Variants in EPHB3 observed in about 807,000 individuals in gnomAD.
EPHB3 encodes the protein EPH receptor B3.
A neutral mutation model predicts 100.2 loss-of-function variants in EPHB3; 33 were observed. The ratio of observed to expected loss-of-function variants is 0.33; its 90% CI spans 0.25 to 0.44. EPHB3 has a LOEUF of 0.44. Ranked by LOEUF, EPHB3 falls within the 20% of genes least tolerant of loss-of-function variation. The pLI is 1.00. For missense variants in EPHB3, 1,045 were observed against 1,378.3 expected (o/e 0.76, Z 3.83); for synonymous variants, 526 against 554.7 (o/e 0.95, Z 0.73).
Position 184,563,417 on chromosome 3 carries a change from C to T in EPHB3, c.118+1064C>T, listed in dbSNP as rs1714309040. Reference sequence around the variant, plus strand: ...TATCTTTAACAGATCTAGTTACTTTCTTAGTTTAGGAACGAAAACACGAAC... The same window carrying T: ...TATCTTTAACAGATCTAGTTACTTTTTTAGTTTAGGAACGAAAACACGAAC... On this transcript the variant is annotated intron_variant, in intron 1 of 15. Coordinates refer to ENST00000330394, the MANE Select transcript of EPHB3 (RefSeq NM_004443.4). This position sits in a 1 kb window ranked among gnomAD's most constrained non-coding sequence, Gnocchi z 4.1. 6.6e-6 allele frequency among the ~76,000 whole-genome samples: 1 copy of T among 152,164 alleles called. No homozygotes were observed. Among genetic ancestry groups the T allele is most frequent in the Non-Finnish European group, 1.5e-5 (1 of 68,034 alleles).
rs1714317648 is a variant in EPHB3, at chr3:184,563,831, G to A, written c.118+1478G>A. ...CTCTGTGTCGTAGTCCAGGAGAGGC[G>A]ACACTGGTACACACACACTCATACA... On this transcript the variant is annotated intron_variant, in intron 1 of 15. Transcript: ENST00000330394. The surrounding 1 kb of genome is among the most constrained non-coding windows in gnomAD (Gnocchi z 4.1). Among the ~76,000 whole-genome samples, 1 of 152,220 alleles carries A rather than the reference G, an allele frequency of 6.6e-6. No homozygotes were observed. The highest frequency in any genetic ancestry group is 6.5e-5 in the Admixed American group (1 of 15,288).
intron 3 of EPHB3, chr3:184,575,043 A>G: frequency 1.4e-6 from 1 of 706,090 alleles, no homozygotes; most frequent in South Asian, 6.3e-5. Flanking sequence ...TAACACAGTT[A>G]TTACTAGTGC....
At chr3:184,574,585 A>T (rs1174460659) in intron 3 of EPHB3, among the ~76,000 whole-genome samples, 1 of 152,152 alleles carries the variant, frequency 6.6e-6, no homozygotes, top group Non-Finnish European at 1.5e-5. Flanking sequence ...GATGACTCTT[A>T]TGGCAGCCCT....
chr3:184,562,749 G>T lies in EPHB3; in HGVS notation c.118+396G>T, dbSNP rs1261979180. On this transcript the variant is annotated intron_variant, in intron 1 of 15. Transcript: ENST00000330394. The surrounding 1 kb of genome is among the most constrained non-coding windows in gnomAD (Gnocchi z 4.8). ...CCGCGGGGCTGTGGCGGGTGGGGGCGAAGCGGGACTCCCCGGGTTGGGGGG... is the reference window on the plus strand; with the variant it reads ...CCGCGGGGCTGTGGCGGGTGGGGGCTAAGCGGGACTCCCCGGGTTGGGGGG... Among the ~76,000 whole-genome samples, 2 of 152,176 alleles carry T rather than the reference G, an allele frequency of 1.3e-5. No homozygotes were observed. The highest frequency in any genetic ancestry group is 2.9e-5 in the Non-Finnish European group (2 of 68,018).
chr3:184,567,517 C>T (rs997455138), intron 1 of EPHB3, among the ~76,000 whole-genome samples: 1 of 137,842 alleles, frequency 7.3e-6, no homozygotes, highest in African/African-American at 2.7e-5. Context: ...GTGTGTGTTG[C>T]GGGTGCATGG....
At chr3:184,566,434 G>A (rs978740297) in intron 1 of EPHB3, among the ~76,000 whole-genome samples, 38 of 152,238 alleles carry the variant, frequency 2.5e-4, no homozygotes, top group African/African-American at 8.7e-4. Context: ...GGGGGCCAAG[G>A]GGCTGTGGCA....
chr3:184,564,416 C>T (rs569524731), intron 1 of EPHB3, among the ~76,000 whole-genome samples: 1 of 152,372 alleles, frequency 6.6e-6, no homozygotes, highest in African/African-American at 2.4e-5. Context: ...ATTGCACCTA[C>T]CCACCCTCTG....
In EPHB3 at chr3:184,569,048, T is replaced by TG. The variant is rs909319556; in HGVS notation, c.119-2268dup. 2.0e-5 allele frequency among the ~76,000 whole-genome samples: 3 copies of TG among 151,742 alleles called. No homozygotes were observed. Among genetic ancestry groups the TG allele is most frequent in the African/African-American group, 7.3e-5 (3 of 41,258 alleles). ...GCTTGTTTTAAACTGTGGAGGAATC[T>TG]GGCTGGAGGGGGAGGGGGCTGAATA... On this transcript the variant is annotated intron_variant, in intron 1 of 15. Transcript: ENST00000330394. This position sits in a 1 kb window ranked among gnomAD's most constrained non-coding sequence, Gnocchi z 5.4.
chr3:184,577,409 C>T lies in EPHB3; in HGVS notation c.1421C>T (p.Ala474Val). Residue 474 changes from alanine (A) to valine (V), a missense_variant, in exon 6 of 16, where the codon GCA becomes GTA. By Grantham distance (64) the Ala-to-Val change is moderately conservative. Coordinates refer to ENST00000330394, the MANE Select transcript of EPHB3 (RefSeq NM_004443.4). The surrounding 1 kb of genome is among the most constrained non-coding windows in gnomAD (Gnocchi z 4.9). The part of the protein sequence containing the change: ...SSGSSLTLSW[A>V]PPERPNGVIL... ...GGCAGCAGCCTCACCCTATCCTGGG[C>T]ACCCCCAGAGCGGCCCAACGGAGTC... 6.2e-7 allele frequency: 1 copy of T among 1,614,028 alleles called. No homozygotes were observed. The highest frequency in any genetic ancestry group is 8.5e-7 in the Non-Finnish European group (1 of 1,180,022).
intron 1 of EPHB3, among the ~76,000 whole-genome samples, chr3:184,566,012 C>T (rs762833696): frequency 6.6e-6 from 1 of 151,998 alleles, no homozygotes; most frequent in Non-Finnish European, 1.5e-5. Context: ...ACTGGTTTGT[C>T]GGGATTGGGC....
rs1013021201 is a variant in EPHB3, at chr3:184,577,605, C to A, written c.1480-53C>A. On this transcript the variant is annotated intron_variant, in intron 6 of 15. Coordinates refer to ENST00000330394, the MANE Select transcript of EPHB3 (RefSeq NM_004443.4). The surrounding 1 kb of genome is among the most constrained non-coding windows in gnomAD (Gnocchi z 4.9). ...TGGCAGGCCTGGGTGTGAATAGGGG[C>A]TGGTTGGCCTCAGGACCCACCTGAG... is the stretch of plus-strand genomic sequence containing the variant. 1.3e-6 allele frequency: 2 copies of A among 1,569,926 alleles called. No individual in the cohort carries two copies. The highest frequency in any genetic ancestry group is 2.3e-5 in the East Asian group (1 of 44,428).
Position 184,577,625 on chromosome 3 carries a change from C to A in EPHB3, c.1480-33C>A, listed in dbSNP as rs1440953817. On this transcript the variant is annotated intron_variant, in intron 6 of 15. Coordinates refer to ENST00000330394, the MANE Select transcript of EPHB3 (RefSeq NM_004443.4). This position sits in a 1 kb window ranked among gnomAD's most constrained non-coding sequence, Gnocchi z 4.9. ...AGGGGCTGGTTGGCCTCAGGACCCA[C>A]CTGAGGGTGCCCCCTCTCTCCTGGC... The A allele has an allele frequency of 2.5e-6, 4 of 1,573,742 alleles. No individual in the cohort carries two copies. The South Asian group carries it at 4.7e-5, about 18-fold the overall frequency.
At position 184,577,369 on chromosome 3, in the gene EPHB3, C is replaced by T; in HGVS notation, c.1381C>T (p.Leu461=). The part of the protein sequence containing the change: ...AAPSEVPTLR[L]HSSSGSSLTL... ...CCCGTCTGAAGTGCCCACACTACGC[C>T]TGCACAGCAGCTCAGGCAGCAGCCT... is the stretch of plus-strand genomic sequence containing the variant. The change falls in exon 6 of 16, where the codon CTG becomes TTG. Residue 461 remains leucine, a synonymous_variant. Transcript: ENST00000330394. The surrounding 1 kb of genome is among the most constrained non-coding windows in gnomAD (Gnocchi z 4.9). The T allele has an allele frequency of 1.9e-6, 3 of 1,613,826 alleles. No homozygotes were observed. The highest frequency in any genetic ancestry group is 3.3e-4 in the Middle Eastern group (2 of 6,062).
intron 1 of EPHB3, among the ~76,000 whole-genome samples, chr3:184,568,715 C>G (rs549040068): frequency 1.2e-4 from 19 of 152,300 alleles, no homozygotes; most frequent in African/African-American, 4.6e-4. Context: ...CCTCCTCTCC[C>G]CCTGAGAAAC....
At chr3:184,576,475 A>G (rs1420823002) in intron 4 of EPHB3, among the ~76,000 whole-genome samples, 1 of 152,208 alleles carries the variant, frequency 6.6e-6, no homozygotes, top group African/African-American at 2.4e-5. Context: ...GAGGAGGTGA[A>G]TAAGATACAG....
At position 184,563,697 on chromosome 3, in the gene EPHB3, G is replaced by A. The variant is rs991589153; in HGVS notation, c.118+1344G>A. On this transcript the variant is annotated intron_variant, in intron 1 of 15. Coordinates refer to ENST00000330394, the MANE Select transcript of EPHB3 (RefSeq NM_004443.4). The surrounding 1 kb of genome is among the most constrained non-coding windows in gnomAD (Gnocchi z 4.1). Reference sequence around the variant, plus strand: ...CACACTCGCACACACTCACCCACATGTGTGTGATAGGATCGCAGGCGTGAG... The same window carrying A: ...CACACTCGCACACACTCACCCACATATGTGTGATAGGATCGCAGGCGTGAG... Among the ~76,000 whole-genome samples, 1 of 152,180 alleles carries A rather than the reference G, an allele frequency of 6.6e-6. No homozygotes were observed. The highest frequency in any genetic ancestry group is 1.5e-5 in the Non-Finnish European group (1 of 68,032).
rs555402950 is a variant in EPHB3 at position 184,579,502 on chromosome 3, T to C, written c.1827T>C (p.Ile609=). 26 of 1,613,960 alleles carry C rather than the reference T, an allele frequency of 1.6e-5. No homozygotes were observed. Among genetic ancestry groups the C allele is most frequent in the Non-Finnish European group, 1.9e-5 (22 of 1,179,964 alleles). Residue 609 remains isoleucine (I), a synonymous_variant, in exon 10 of 16, where the codon ATT becomes ATC. Coordinates refer to ENST00000330394, the MANE Select transcript of EPHB3 (RefSeq NM_004443.4). This position sits in a 1 kb window ranked among gnomAD's most constrained non-coding sequence, Gnocchi z 5.2. ...TTGCTCCTGGAATGAAGGTTTATAT[T>C]GACCCTTTTACCTACGAGGACCCTA... is the stretch of plus-strand genomic sequence containing the variant. ...QYIAPGMKVY[I]DPFTYEDPNE... is the part of the protein sequence containing the mutation.
Position 184,576,217 on chromosome 3 carries a change from T to TTCCTAGCCATGCTCAGGAACTTGC in EPHB3, c.1012+254_1012+277dup, listed in dbSNP as rs1225532326. 4.3e-3 allele frequency among the ~76,000 whole-genome samples: 654 copies of TTCCTAGCCATGCTCAGGAACTTGC among 151,768 alleles called. 9 individuals are homozygous for TTCCTAGCCATGCTCAGGAACTTGC. Among genetic ancestry groups the TTCCTAGCCATGCTCAGGAACTTGC allele is most frequent in the East Asian group, 0.04 (205 of 5,078 alleles). On this transcript the variant is annotated intron_variant, in intron 4 of 15. Coordinates refer to ENST00000330394, the MANE Select transcript of EPHB3 (RefSeq NM_004443.4). ...CCAACGCTTGCTAAGCACCTACCTG[T>TTCCTAGCCATGCTCAGGAACTTGC]TCCTAGCCATGCTCAGGAACTTGCT...
In EPHB3 at chr3:184,562,266, T is replaced by C. The variant is rs760420980; in HGVS notation, c.31T>C (p.Ser11Pro). 1.6e-3 allele frequency: 1,914 copies of C among 1,160,192 alleles called. 9 individuals are homozygous for C. Among genetic ancestry groups the C allele is most frequent in the Non-Finnish European group, 1.7e-3 (1,621 of 929,974 alleles). 71.9% of individuals were successfully genotyped at this position (1,160,192 alleles called of 1,614,324 possible). A position where few individuals can be genotyped will look rare whatever the true frequency, so the allele number is the denominator to read the frequency against. The stretch of plus-strand genomic sequence containing the variant: ...CAGAGCCCGCCCGCCGCCGCCGCCG[T>C]CGCCGCCGCCGGGGCTTCTGCCGCT... MARARPPPPP[S>P]PPPGLLPLLP... is the part of the protein sequence containing the mutation. The change falls in exon 1 of 16, where the codon TCG (serine) becomes CCG (proline). Residue 11 changes from serine (S) to proline (P), a missense_variant. Ser to Pro is a moderately conservative substitution (Grantham distance 74, BLOSUM62 -1). Around this residue, in one of 2 missense-constraint regions of EPHB3, gnomAD observed 60 missense variants for 47.2 expected, o/e 1.27. Transcript: ENST00000330394. This position sits in a 1 kb window ranked among gnomAD's most constrained non-coding sequence, Gnocchi z 4.8.
Sources: allele counts gnomAD v4.1 joint callset (sites outside exome capture counted in the v4.1 genomes callset), GRCh38; gene constraint gnomAD v4.1.1; regional missense constraint gnomAD v4.1.1; non-coding constraint Gnocchi (gnomAD v3.1); transcripts MANE v1.5; gene names NCBI Gene and HGNC (gene_info 2026-07-23, HGNC 2026-07-21).